Variants in SNX16 observed in about 807,000 individuals in gnomAD.
SNX16 encodes the protein sorting nexin-16.
In SNX16, 35 loss-of-function variants were observed where a neutral mutation model predicts 36.7. That is an observed-to-expected ratio of 0.95 (90% CI 0.73 to 1.27). The LOEUF (loss-of-function observed/expected upper bound fraction) is 1.27, where lower values mean the gene tolerates loss of function less well. Ranked by LOEUF, SNX16 falls within the 50% of genes most tolerant of loss-of-function variation. SNX16 has a pLI of 0.00. For missense variants in SNX16, 367 were observed against 393.6 expected (o/e 0.93, Z 0.57); for synonymous variants, 134 against 132.0 (o/e 1.02, Z -0.10).
chr8:81,803,169 T>C lies in SNX16; in HGVS notation c.741A>G (p.Lys247=), dbSNP rs949667609. 3 of 1,612,242 alleles carry C rather than the reference T, an allele frequency of 1.9e-6. No individual in the cohort carries two copies. Among genetic ancestry groups the C allele is most frequent in the African/African-American group, 1.3e-5 (1 of 74,956 alleles). ...NYRLQKELLE[K]QKEMESLKKL... Reference sequence around the variant, plus strand: ...TCTTTAGTGATTCCATCTCCTTTTGTTTTTCAAGTAGTTCTTTCTGTAAGC... The same window carrying C: ...TCTTTAGTGATTCCATCTCCTTTTGCTTTTCAAGTAGTTCTTTCTGTAAGC... Residue 247 remains lysine (K), a synonymous_variant, in exon 6 of 8, where the codon AAA becomes AAG. Transcript: ENST00000345957.
At chr8:81,807,872 T>C (rs2600601) in intron 5 of SNX16, 285,128 of 760,512 alleles carry the variant, frequency 0.37, 57,933 homozygotes, top group African/African-American at 0.49. Flanking sequence ...AGGAGCCATT[T>C]TGAGCAATGG....
At chr8:81,839,381 CTTGAT>C (rs908593878) in intron 2 of SNX16, among the ~76,000 whole-genome samples, 1 of 152,038 alleles carries the variant, frequency 6.6e-6, no homozygotes, top group Non-Finnish European at 1.5e-5. Flanking sequence ...CGTTCTTTTC[CTTGAT>C]TTATGTGCTA....
At position 81,827,222 on chromosome 8, in the gene SNX16, C is replaced by T. The variant is rs182433484; in HGVS notation, c.462+2208G>A. On this transcript the variant is annotated intron_variant, in intron 3 of 7. Transcript: ENST00000345957. ...AAAGATTTATCTAAATTTCAGCTTG[C>T]CTAAGAAAATACTTCAGCAATAAAG... 7.3e-4 allele frequency among the ~76,000 whole-genome samples: 111 copies of T among 151,884 alleles called. 2 individuals carry two copies. In the East Asian group the frequency reaches 0.016, roughly 22 times the overall value.
intron 2 of SNX16, among the ~76,000 whole-genome samples, chr8:81,833,660 C>T (rs1811366638): frequency 1.3e-5 from 2 of 152,098 alleles, no homozygotes; most frequent in Admixed American, 6.5e-5. Flanking sequence ...ACTTTATTTT[C>T]TTGTCTTAGA....
At chr8:81,808,415 CT>C (rs1393904415) in intron 5 of SNX16, 11 of 1,219,256 alleles carry the variant, frequency 9.0e-6, no homozygotes, top group Non-Finnish European at 1.3e-5. Context: ...GGAATGACAA[CT>C]TTGGTTGTGG....
At position 81,799,844 on chromosome 8, in the gene SNX16, T is replaced by C. The variant is rs566585810; in HGVS notation, c.*1653A>G. ...TGTTATATAAGATACAGAATGGTAC[T>C]GATTAAATGATTGTTCTTTTTAAGC... On this transcript the variant is annotated 3_prime_UTR_variant, in exon 8 of 8. Transcript: ENST00000345957. The C allele has an allele frequency of 6.6e-6, 1 of 152,056 alleles. No homozygotes were observed. Among genetic ancestry groups the C allele is most frequent in the Non-Finnish European group, 1.5e-5 (1 of 67,806 alleles). 9.4% of individuals were successfully genotyped at this position (152,056 alleles called of 1,614,324 possible).
chr8:81,813,984 C>T (rs1810373762), intron 5 of SNX16, among the ~76,000 whole-genome samples: 1 of 151,948 alleles, frequency 6.6e-6, no homozygotes, highest in Non-Finnish European at 1.5e-5. Context: ...GAATAGAATA[C>T]AGCAACTTTC....
At chr8:81,805,568 ATTC>A in intron 5 of SNX16, among the ~76,000 whole-genome samples, 1 of 152,210 alleles carries the variant, frequency 6.6e-6, no homozygotes, top group African/African-American at 2.4e-5. Context: ...AAACAGTGAG[ATTC>A]AAAGTGGATA....
intron 3 of SNX16, among the ~76,000 whole-genome samples, chr8:81,826,347 C>T (rs1199852794): frequency 1.3e-5 from 2 of 152,114 alleles, no homozygotes; most frequent in Non-Finnish European, 2.9e-5. Context: ...AATGTCTTGA[C>T]AATGAGTTGG....
intron 3 of SNX16, among the ~76,000 whole-genome samples, chr8:81,825,442 C>G (rs1487400880): frequency 6.6e-6 from 1 of 152,176 alleles, no homozygotes; most frequent in Non-Finnish European, 1.5e-5. Flanking sequence ...TGTTTCCCAT[C>G]TCTGATAGAT....
intron 7 of SNX16, among the ~76,000 whole-genome samples, chr8:81,802,095 ATTAG>A (rs1463636697): frequency 1.3e-5 from 2 of 151,650 alleles, no homozygotes; most frequent in East Asian, 3.8e-4. Flanking sequence ...TATTTAAAAA[ATTAG>A]TTAATTACCT....
chr8:81,803,261 T>C, intron 5 of SNX16, 33 bp from the exon 6 acceptor site: 1 of 1,572,980 alleles, frequency 6.4e-7, no homozygotes, highest in Non-Finnish European at 8.6e-7. Flanking sequence ...ACTAAACACA[T>C]GCAGAAAAAG....
intron 3 of SNX16, 24 bp from the exon 4 acceptor site, chr8:81,823,964 T>C (rs762037623): frequency 1.3e-6 from 2 of 1,596,626 alleles, no homozygotes; most frequent in Non-Finnish European, 1.7e-6. Context: ...AAAGAGCAAA[T>C]ACAATGTTTA....
At chr8:81,830,767 C>G (rs1039534449) in intron 2 of SNX16, among the ~76,000 whole-genome samples, 1 of 151,986 alleles carries the variant, frequency 6.6e-6, no homozygotes, top group Non-Finnish European at 1.5e-5. Context: ...AAAAACTACT[C>G]TAAAATCCAC....
intron 5 of SNX16, among the ~76,000 whole-genome samples, chr8:81,811,553 A>G (rs1272307619): frequency 6.6e-6 from 1 of 152,156 alleles, no homozygotes; most frequent in Non-Finnish European, 1.5e-5. Flanking sequence ...AAATACAAGA[A>G]AGCCAGGCTT....
chr8:81,839,689 T>C lies in SNX16; in HGVS notation c.298A>G (p.Thr100Ala), dbSNP rs1003215297. The C allele has an allele frequency of 6.8e-6, 11 of 1,612,774 alleles. No homozygotes were observed. The highest frequency in any genetic ancestry group is 1.7e-5 in the Admixed American group (1 of 59,954). The change falls in exon 2 of 8, where the codon ACA (threonine) becomes GCA (alanine). Residue 100 changes from threonine to alanine, a missense_variant. Thr to Ala is a moderately conservative substitution (Grantham distance 58). Coordinates refer to ENST00000345957, the MANE Select transcript of SNX16 (RefSeq NM_152836.3). ...GATGGTCTATCTTCCCAATTCACTG[T>C]TTCCGGATTTTGTTCTTCAGTGTCT... Reference protein sequence around the residue: ...PRDTEEQNPETVNWEDRPSTP... With the variant: ...PRDTEEQNPEAVNWEDRPSTP...
intron 2 of SNX16, among the ~76,000 whole-genome samples, chr8:81,831,462 G>A (rs1054795870): frequency 6.6e-6 from 1 of 152,066 alleles, no homozygotes; most frequent in Non-Finnish European, 1.5e-5. Context: ...GGAGGCTGAG[G>A]TGGGCAGATC....
intron 5 of SNX16, among the ~76,000 whole-genome samples, chr8:81,806,683 T>C (rs1341694129): frequency 6.6e-6 from 1 of 151,818 alleles, no homozygotes; most frequent in African/African-American, 2.4e-5. Flanking sequence ...TCTAGCAAAA[T>C]AATACAGAAA....
chr8:81,818,260 T>C (rs997466360), intron 4 of SNX16, among the ~76,000 whole-genome samples: 3 of 152,118 alleles, frequency 2.0e-5, no homozygotes, highest in African/African-American at 7.2e-5. Context: ...AACTACTGTG[T>C]AAATAACTGA....
Sources: allele counts gnomAD v4.1 joint callset (sites outside exome capture counted in the v4.1 genomes callset), GRCh38; gene constraint gnomAD v4.1.1; transcripts MANE v1.5; gene names NCBI Gene and HGNC (gene_info 2026-07-23, HGNC 2026-07-21).